C10orf105: variants seen among roughly 807,000 people sequenced by gnomAD.
The protein encoded by C10orf105 is uncharacterized protein C10orf105.
Under a neutral mutation model 0.6 loss-of-function variants are expected in C10orf105, and 2 were observed. The ratio of observed to expected loss-of-function variants is 3.18; its 90% confidence interval spans 1.30 to 10.01. The LOEUF (loss-of-function observed/expected upper bound fraction) is 10.01, where lower values mean the gene tolerates loss of function less well. Ranked by LOEUF, C10orf105 falls within the 30% of genes most tolerant of loss-of-function variation. The probability of loss-of-function intolerance (pLI) is 0.04; values close to 1 mark genes in which losing one functional copy is unlikely to be tolerated. For synonymous variants in C10orf105, 95 were observed against 82.4 expected, an observed-to-expected ratio of 1.15 and a Z score of -0.83; for missense variants, 209 against 191.4, an observed-to-expected ratio of 1.09 and a Z score of -0.54.
At chr10:71,723,411 C>T (rs1279002566), upstream of C10orf105, among the ~76,000 whole-genome samples, 2 of 152,170 alleles carry the variant, frequency 1.3e-5, no homozygotes, top group Admixed American at 1.3e-4. Flanking sequence ...CAACGTCCCC[C>T]CCCACACACA....
At chr10:71,733,620 T>C (rs937214742) in intron 1 of C10orf105, among the ~76,000 whole-genome samples, 2 of 152,340 alleles carry the variant, frequency 1.3e-5, no homozygotes, top group Middle Eastern at 3.4e-3. Flanking sequence ...TATCACAATG[T>C]CACAGAAAGC....
chr10:71,725,251 G>T (rs1866752484), intron 1 of C10orf105: 1 of 1,510,288 alleles, frequency 6.6e-7, no homozygotes, highest in Non-Finnish European at 9.2e-7. Context: ...TGTCCCAGAA[G>T]ACCCGCAGCC....
At chr10:71,734,716 G>A (rs955140698) in intron 1 of C10orf105, 26 of 1,167,082 alleles carry the variant, frequency 2.2e-5, no homozygotes, top group Middle Eastern at 2.2e-4. Flanking sequence ...AGTGCTGGCC[G>A]GGCTCTGCCT....
At position 71,712,730 on chromosome 10, in the gene C10orf105, A is replaced by G. The variant is rs934025237; in HGVS notation, c.*3206T>C. On this transcript the variant is annotated 3_prime_UTR_variant, in exon 2 of 2. Coordinates refer to ENST00000441508, the MANE Select transcript of C10orf105 (RefSeq NM_001164375.3). ...CGTGTTCGTCACTGTCCTGGATGTG[A>G]ATGACAACCGGCCCATCTTTCTGCA... 3.7e-6 allele frequency: 6 copies of G among 1,613,750 alleles called. No homozygotes were observed. The highest frequency in any genetic ancestry group is 3.4e-6 in the Non-Finnish European group (4 of 1,179,862).
At chr10:71,719,085 T>C (rs545529544) in intron 1 of C10orf105, among the ~76,000 whole-genome samples, 135 of 150,628 alleles carry the variant, frequency 9.0e-4, no homozygotes, top group African/African-American at 3.2e-3. Context: ...CTCAAAAAAA[T>C]AAAAAATAAA....
At position 71,713,145 on chromosome 10, in the gene C10orf105, G is replaced by C; in HGVS notation, c.*2791C>G. 2.6e-6 allele frequency: 2 copies of C among 779,018 alleles called. No individual in the cohort carries two copies. The highest frequency in any genetic ancestry group is 3.4e-5 in the Admixed American group (2 of 58,938). 48.3% of individuals were successfully genotyped at this position (779,018 alleles called of 1,614,324 possible). ...AGAGACGTCACAATTTCCCGGAAAG[G>C]AGTTGAGAAGAGAGCCAGGGCCCAG... is the stretch of plus-strand genomic sequence containing the variant. On this transcript the variant is annotated 3_prime_UTR_variant, in exon 2 of 2. Coordinates refer to ENST00000441508, the MANE Select transcript of C10orf105 (RefSeq NM_001164375.3).
chr10:71,724,591 C>T (rs549758616), upstream of C10orf105, among the ~76,000 whole-genome samples: 3 of 152,302 alleles, frequency 2.0e-5, no homozygotes, highest in Admixed American at 2.0e-4. Context: ...CGTGAGCCAC[C>T]GTGCCCCTGG....
At chr10:71,718,492 C>G (rs1866395895) in intron 1 of C10orf105, among the ~76,000 whole-genome samples, 1 of 152,242 alleles carries the variant, frequency 6.6e-6, no homozygotes, top group Admixed American at 6.5e-5. Flanking sequence ...AGAGAGCACT[C>G]TGGCTGGGCA....
chr10:71,716,126 G>A lies in C10orf105; in HGVS notation c.212C>T (p.Ala71Val). 1 of 1,549,880 alleles carries A rather than the reference G, an allele frequency of 6.5e-7. No homozygotes were observed. The highest frequency in any genetic ancestry group is 8.7e-7 in the Non-Finnish European group (1 of 1,146,378). The stretch of plus-strand genomic sequence containing the variant: ...AGGGTGGTGGGGCATGCACTCGTGA[G>A]CCCTGCGGCGGCTCGGGTCCAGCGC... ...PAALDPSRRR[A>V]HECMPHHPGS... The change falls in exon 2 of 2, where the codon GCT (alanine) becomes GTT (valine). Residue 71 changes from alanine to valine, a missense_variant. Physicochemically the swap from Ala to Val is moderately conservative, Grantham distance 64. Coordinates refer to ENST00000441508, the MANE Select transcript of C10orf105 (RefSeq NM_001164375.3).
intron 1 of C10orf105, among the ~76,000 whole-genome samples, chr10:71,731,541 G>T (rs1466088844): frequency 1.3e-5 from 2 of 152,174 alleles, no homozygotes; most frequent in Non-Finnish European, 2.9e-5. Flanking sequence ...GAGTGGGGAG[G>T]ATGGGGGAAG....
At chr10:71,730,657 CA>C (rs1339344500) in intron 1 of C10orf105, 12 of 1,603,116 alleles carry the variant, frequency 7.5e-6, no homozygotes, top group African/African-American at 1.3e-5. Context: ...CAAACCTCCC[CA>C]GCTCACCCAG....
At chr10:71,735,424 A>C (rs1589385401) in intron 1 of C10orf105, among the ~76,000 whole-genome samples, 1 of 152,106 alleles carries the variant, frequency 6.6e-6, no homozygotes, top group African/African-American at 2.4e-5. Context: ...AGGGGAGCTC[A>C]TGCTGGGGTT....
chr10:71,717,556 T>C (rs1305528388), intron 1 of C10orf105: 1 of 152,288 alleles, frequency 6.6e-6, no homozygotes, highest in East Asian at 1.9e-4. Flanking sequence ...GCTGAGCTTT[T>C]GGCTCAATAT....
chr10:71,730,489 C>T (rs2132819840), intron 1 of C10orf105: 1 of 1,613,874 alleles, frequency 6.2e-7, no homozygotes, highest in Non-Finnish European at 8.5e-7. Flanking sequence ...ACGTGGAGGA[C>T]ATCAACGATG....
chr10:71,729,990 A>G (rs925015962), intron 1 of C10orf105, among the ~76,000 whole-genome samples: 1 of 151,716 alleles, frequency 6.6e-6, no homozygotes, highest in Non-Finnish European at 1.5e-5. Flanking sequence ...GCCCGCCACC[A>G]CGCCCGGCTA....
At chr10:71,726,195 C>A (rs1034880841) in intron 1 of C10orf105, among the ~76,000 whole-genome samples, 5 of 152,140 alleles carry the variant, frequency 3.3e-5, no homozygotes, top group African/African-American at 4.8e-5. Flanking sequence ...GCTTCACCCC[C>A]ACCCCTACAC....
chr10:71,716,236 G>T lies in C10orf105; in HGVS notation c.102C>A (p.Asp34Glu), dbSNP rs958353934. The change falls in exon 2 of 2, where the codon GAC (aspartate) becomes GAA (glutamate). Residue 34 changes from aspartate to glutamate, a missense_variant. Asp to Glu is a conservative substitution (Grantham distance 45, BLOSUM62 2). Coordinates refer to ENST00000441508, the MANE Select transcript of C10orf105 (RefSeq NM_001164375.3). ...CCAGGGCGATGAGCATGGGGAGGGG[G>T]TCAGTTGCCTCTGCAAGGGTCCCGG... ...VTPGTLAEAT[D>E]PLPMLIALAC... 7 of 1,550,250 alleles carry T rather than the reference G, an allele frequency of 4.5e-6. No individual in the cohort carries two copies. The highest frequency in any genetic ancestry group is 4.1e-5 in the African/African-American group (3 of 72,994).
In C10orf105 at chr10:71,730,570, A is replaced by C. The variant is rs370848345; in HGVS notation, c.-6+7158T>G. ...GAGAGACCGCAGGCATTGGAACGTC[A>C]GTCATCGTGGTCCAAGCCACAGACC... On this transcript the variant is annotated intron_variant, in intron 1 of 1. Coordinates refer to the C10orf105 transcript ENST00000398786. 1.6e-5 allele frequency: 26 copies of C among 1,613,936 alleles called. No homozygotes were observed. The highest frequency in any genetic ancestry group is 2.1e-5 in the Non-Finnish European group (25 of 1,179,892).
Position 71,712,530 on chromosome 10 carries a change from C to A in C10orf105, c.*3406G>T. On this transcript the variant is annotated 3_prime_UTR_variant, in exon 2 of 2. Transcript: ENST00000441508. ...TATTCCTAAGCTAAAAAGGAAGTCA[C>A]CCCTTGCAAAGGCTAGGGCAGATGG... 1.2e-6 allele frequency: 1 copy of A among 861,144 alleles called. No individual in the cohort carries two copies. The allele number at this position is 861,144 out of a possible 1,614,324, so 53.3% of individuals were successfully genotyped here.
Sources: allele counts gnomAD v4.1 joint callset (sites outside exome capture counted in the v4.1 genomes callset), GRCh38; gene constraint gnomAD v4.1.1; transcripts MANE v1.5; gene names NCBI Gene and HGNC (gene_info 2026-07-23, HGNC 2026-07-21).